The following SPECC1 variants were observed in gnomAD, a reference collection of about 807,000 sequenced individuals.
The protein encoded by SPECC1 is cytospin-B.
SPECC1 carries 62 observed loss-of-function variants against 104.1 expected under a neutral mutation model. The ratio of observed to expected loss-of-function variants is 0.60; its 90% CI spans 0.49 to 0.74. The LOEUF (loss-of-function observed/expected upper bound fraction) is 0.74. Among genes scored for constraint, SPECC1 ranks in the 30% least tolerant of loss-of-function variants. The pLI is 0.00. For synonymous variants in SPECC1, 513 were observed against 501.6 expected (o/e 1.02, Z -0.30); for missense variants, 1,306 against 1,310.5 (o/e 1.00, Z 0.05).
intron 3 of SPECC1, among the ~76,000 whole-genome samples, chr17:20,132,127 A>G (rs986259569): frequency 4.0e-5 from 6 of 151,640 alleles, no homozygotes; most frequent in African/African-American, 1.5e-4. Flanking sequence ...AATTTGTCTA[A>G]TGTTTTCTCT....
intron 12 of SPECC1, among the ~76,000 whole-genome samples, chr17:20,289,602 G>A (rs1251646154): frequency 6.6e-6 from 1 of 152,108 alleles, no homozygotes; most frequent in Non-Finnish European, 1.5e-5. Flanking sequence ...TACTGTGCCT[G>A]GCCAAAAAGG....
intron 1 of SPECC1, among the ~76,000 whole-genome samples, chr17:20,055,293 T>C (rs2152465635): frequency 6.6e-6 from 1 of 152,032 alleles, no homozygotes; most frequent in Admixed American, 6.6e-5. Context: ...TGAATAGTAC[T>C]CCATGGTATG....
chr17:20,168,472 C>G (rs2033835762), intron 3 of SPECC1, among the ~76,000 whole-genome samples: 1 of 152,136 alleles, frequency 6.6e-6, no homozygotes, highest in Non-Finnish European at 1.5e-5. Flanking sequence ...ATAAAATGCT[C>G]TAAAAGCAGC....
chr17:20,263,858 A>G (rs1291228785), intron 12 of SPECC1, among the ~76,000 whole-genome samples: 1 of 152,190 alleles, frequency 6.6e-6, no homozygotes. Flanking sequence ...TCAGGATCAC[A>G]AGAACACTAT....
intron 4 of SPECC1, among the ~76,000 whole-genome samples, chr17:20,206,660 A>G (rs1489037707): frequency 6.6e-6 from 1 of 152,168 alleles, no homozygotes; most frequent in African/African-American, 2.4e-5. Flanking sequence ...CAGTCTTTCA[A>G]TATTATAAAT....
intron 1 of SPECC1, among the ~76,000 whole-genome samples, chr17:20,092,865 C>T (rs2047463378): frequency 6.6e-6 from 1 of 152,164 alleles, no homozygotes. Context: ...AACAGTGGAG[C>T]TGAATTTGGA....
In SPECC1 at chr17:20,240,454, G is replaced by C. The variant is rs140973022; in HGVS notation, c.2352-5472G>C. On this transcript the variant is annotated intron_variant, in intron 7 of 14. Coordinates refer to ENST00000395527, the MANE Select transcript of SPECC1 (RefSeq NM_001243439.2). ...AAAATTTTATATTTTTATGTAAACTGTTAGTGTTTTCCTTTACTCTTTTTT... is the reference window on the plus strand; with the variant it reads ...AAAATTTTATATTTTTATGTAAACTCTTAGTGTTTTCCTTTACTCTTTTTT... Among the ~76,000 whole-genome samples, 32 of 151,960 alleles carry C rather than the reference G, an allele frequency of 2.1e-4. No individual in the cohort carries two copies. In the East Asian group the frequency reaches 6.2e-3, roughly 29 times the overall value.
intron 1 of SPECC1, among the ~76,000 whole-genome samples, chr17:20,093,522 G>A (rs2047495494): frequency 6.6e-6 from 1 of 152,126 alleles, no homozygotes; most frequent in African/African-American, 2.4e-5. Flanking sequence ...CAGCATTTAT[G>A]TAAATGAACT....
intron 3 of SPECC1, among the ~76,000 whole-genome samples, chr17:20,184,052 G>A (rs1597907776): frequency 1.3e-5 from 2 of 151,218 alleles, no homozygotes; most frequent in South Asian, 4.2e-4. Flanking sequence ...GTGGTGGCAC[G>A]TGCCTATCGT....
intron 3 of SPECC1, among the ~76,000 whole-genome samples, chr17:20,199,491 C>T (rs2036273318): frequency 6.7e-6 from 1 of 148,710 alleles, no homozygotes; most frequent in Non-Finnish European, 1.5e-5. Context: ...GCCTCAAACT[C>T]CTGGGCTCAA....
chr17:20,144,037 G>A (rs2031161220), intron 3 of SPECC1, among the ~76,000 whole-genome samples: 3 of 152,164 alleles, frequency 2.0e-5, no homozygotes, highest in Non-Finnish European at 2.9e-5. Flanking sequence ...CACTATGTGA[G>A]TTCACTGAGA....
intron 3 of SPECC1, among the ~76,000 whole-genome samples, chr17:20,118,818 A>C (rs1363538654): frequency 1.3e-5 from 2 of 152,248 alleles, no homozygotes; most frequent in Non-Finnish European, 2.9e-5. Flanking sequence ...AATATAAACT[A>C]AACTTTTTTT....
At chr17:20,084,125 A>G (rs2047086043) in intron 1 of SPECC1, among the ~76,000 whole-genome samples, 1 of 152,108 alleles carries the variant, frequency 6.6e-6, no homozygotes, top group Non-Finnish European at 1.5e-5. Flanking sequence ...ATCATTTGTT[A>G]TTTTTAACAA....
Position 20,315,356 on chromosome 17 carries a change from C to A in SPECC1, c.*1291C>A, listed in dbSNP as rs2042026700. The A allele has an allele frequency of 3.0e-5, 7 of 232,806 alleles. No homozygotes were observed. In the East Asian group the frequency reaches 4.2e-4, roughly 14 times the overall value. 14.4% of individuals were successfully genotyped at this position (232,806 alleles called of 1,614,324 possible). A position where few individuals can be genotyped will look rare whatever the true frequency, so the allele number is the denominator to read the frequency against. On this transcript the variant is annotated 3_prime_UTR_variant, in exon 15 of 15. Coordinates refer to ENST00000395527, the MANE Select transcript of SPECC1 (RefSeq NM_001243439.2). ...ACCTTAAGTGGCAGCAGAGCCCTCC[C>A]CAGCGGTGCCCCAGTCCCTCAGAAG...
intron 3 of SPECC1, among the ~76,000 whole-genome samples, chr17:20,116,893 C>T (rs917216145): frequency 2.3e-5 from 3 of 130,962 alleles, no homozygotes; most frequent in African/African-American, 8.5e-5. Context: ...AGATACTAAA[C>T]ATCCTAGGAT....
At chr17:20,150,195 G>A (rs905707860) in intron 3 of SPECC1, among the ~76,000 whole-genome samples, 2 of 151,690 alleles carry the variant, frequency 1.3e-5, no homozygotes, top group Non-Finnish European at 2.9e-5. Flanking sequence ...GTTTTAGTCC[G>A]GATGGTCTCG....
rs377437277 is a variant in SPECC1 at position 20,234,500 on chromosome 17, C to T, written c.2351+2095C>T. Reference sequence around the variant, plus strand: ...CTACCCCATGAGCAAGACTTGAAACCAACTCACACCCTCAAAGCTCCGGAA... The same window carrying T: ...CTACCCCATGAGCAAGACTTGAAACTAACTCACACCCTCAAAGCTCCGGAA... On this transcript the variant is annotated intron_variant, in intron 7 of 14. Coordinates refer to ENST00000395527, the MANE Select transcript of SPECC1 (RefSeq NM_001243439.2). 7.0e-4 allele frequency among the ~76,000 whole-genome samples: 107 copies of T among 152,300 alleles called. 3 individuals are homozygous for T. In the South Asian group the frequency reaches 0.021, roughly 30 times the overall value.
chr17:20,197,159 G>C (rs2036091906), intron 3 of SPECC1, among the ~76,000 whole-genome samples: 1 of 152,168 alleles, frequency 6.6e-6, no homozygotes, highest in Non-Finnish European at 1.5e-5. Flanking sequence ...GAAGAACAGG[G>C]CCAGGAAAGG....
rs2047035057 is a variant in SPECC1 at position 20,082,965 on chromosome 17, CG to C, written c.-21-13665del. Among the ~76,000 whole-genome samples the C allele has an allele frequency of 1.4e-4, 6 of 43,008 alleles. No individual in the cohort carries two copies. In the Admixed American group the frequency reaches 1.6e-3, roughly 11 times the overall value. 28.2% of individuals were successfully genotyped at this position (43,008 alleles called of 152,430 possible). On this transcript the variant is annotated intron_variant, in intron 1 of 14. Transcript: ENST00000395527. The stretch of plus-strand genomic sequence containing the variant: ...GTTGCTGTGTCCTTTGGTGTTCGTT[CG>C]TTCGTTCGTTCGTTCGTTCGTTCGT...
Sources: gnomAD v4.1 joint callset for allele counts (sites outside exome capture counted in the v4.1 genomes callset) on GRCh38, gnomAD v4.1.1 for gene constraint, MANE v1.5 for transcripts, NCBI Gene and HGNC (gene_info 2026-07-23, HGNC 2026-07-21) for gene names.